STK3: variants seen among roughly 807,000 people sequenced by gnomAD.
STK3 encodes the protein serine/threonine kinase 3, also known as serine/threonine-protein kinase 3.
STK3 carries 41 observed loss-of-function variants against 58.0 expected under a neutral mutation model. The ratio of observed to expected loss-of-function variants is 0.71; its 90% CI spans 0.55 to 0.92. STK3 has a LOEUF of 0.92. Ranked by LOEUF, STK3 falls within the 40% of genes least tolerant of loss-of-function variation. The pLI, the probability that STK3 is intolerant of heterozygous loss-of-function variation, is 0.00. For synonymous variants in STK3, 170 were observed against 191.0 expected, an observed-to-expected ratio of 0.89 and a Z score of 0.91; for missense variants, 479 against 602.7, an observed-to-expected ratio of 0.79 and a Z score of 2.15.
At chr8:98,359,338 C>G in the STK3 span, among the ~76,000 whole-genome samples, 19 of 102,292 alleles carry the variant, frequency 1.9e-4, no homozygotes, top group African/African-American at 6.8e-4. Context: ...TGAAACCCAT[C>G]TCAACTAAAA....
chr8:98,656,882 C>G (rs1821582266), intron 6 of STK3, among the ~76,000 whole-genome samples: 2 of 152,034 alleles, frequency 1.3e-5, no homozygotes, highest in African/African-American at 4.8e-5. Context: ...TATATTCTGT[C>G]AATCTCTGAA....
At chr8:98,906,229 A>G (rs1383409634) in intron 1 of STK3, 1 of 152,556 alleles carries the variant, frequency 6.6e-6, no homozygotes, top group Non-Finnish European at 1.5e-5. Flanking sequence ...ACCATGATCT[A>G]TAAAATCTAG....
intron 9 of STK3, among the ~76,000 whole-genome samples, chr8:98,536,708 T>C (rs1563715454): frequency 6.6e-6 from 1 of 152,204 alleles, no homozygotes; most frequent in Non-Finnish European, 1.5e-5. Context: ...TCTCATCAAA[T>C]GAGAAAAGAA....
At chr8:98,737,944 A>G (rs1828756547) in intron 4 of STK3, among the ~76,000 whole-genome samples, 1 of 152,166 alleles carries the variant, frequency 6.6e-6, no homozygotes, top group African/African-American at 2.4e-5. Flanking sequence ...TCCTGACCTC[A>G]GGTGATCCAC....
intron 1 of STK3, among the ~76,000 whole-genome samples, chr8:98,779,846 G>A (rs1400860963): frequency 6.6e-6 from 1 of 151,930 alleles, no homozygotes; most frequent in Non-Finnish European, 1.5e-5. Flanking sequence ...GATAAACAAT[G>A]CTGCACTGAG....
chr8:98,881,589 A>G (rs1018932792), downstream of STK3: 6 of 152,334 alleles, frequency 3.9e-5, no homozygotes, highest in Non-Finnish European at 8.8e-5. Flanking sequence ...CTAATGCAAG[A>G]TATTAATCAT....
chr8:98,357,167 T>C, the STK3 span, among the ~76,000 whole-genome samples: 1 of 152,224 alleles, frequency 6.6e-6, no homozygotes, highest in African/African-American at 2.4e-5. Context: ...GGTTCTGGCC[T>C]TATTAGCTGA....
At chr8:98,542,479 A>T (rs1263309820) in intron 9 of STK3, among the ~76,000 whole-genome samples, 5 of 152,120 alleles carry the variant, frequency 3.3e-5, no homozygotes, top group African/African-American at 1.2e-4. Context: ...TTCTCTATAG[A>T]AGCCCCTTTG....
At chr8:98,583,771 A>G (rs1399929107) in intron 7 of STK3, among the ~76,000 whole-genome samples, 1 of 152,094 alleles carries the variant, frequency 6.6e-6, no homozygotes, top group African/African-American at 2.4e-5. Flanking sequence ...TGAAATTCAT[A>G]GTCTATATTA....
intron 6 of STK3, among the ~76,000 whole-genome samples, chr8:98,697,331 G>T (rs1357071801): frequency 1.3e-5 from 2 of 151,996 alleles, no homozygotes; most frequent in East Asian, 3.9e-4. Flanking sequence ...TTAATTTTTT[G>T]AAGGGTTTTT....
chr8:98,442,320 G>T lies in STK3; in HGVS notation n.186-5112C>A, dbSNP rs149665823. ...CCTGTTATCCCTCATCTCAGCACTC[G>T]GAACTTACAGGTCTATGTCTGGTCG... On this transcript the variant is annotated intron_variant and non_coding_transcript_variant, in intron 1 of 3. Coordinates refer to the STK3 transcript ENST00000517832. 1.0e-3 allele frequency among the ~76,000 whole-genome samples: 153 copies of T among 152,306 alleles called. 1 individual carries two copies. In the East Asian group the frequency reaches 0.026, roughly 26 times the overall value.
At chr8:98,466,384 A>T (rs1249680042) in intron 10 of STK3, among the ~76,000 whole-genome samples, 1 of 152,226 alleles carries the variant, frequency 6.6e-6, no homozygotes, top group African/African-American at 2.4e-5. Context: ...TTTCCTTGAC[A>T]TATCCCACAG....
At chr8:98,407,723 T>C (rs566403784) in intron 3 of STK3, among the ~76,000 whole-genome samples, 2 of 81,122 alleles carry the variant, frequency 2.5e-5, no homozygotes, top group Non-Finnish European at 6.0e-5. Context: ...CATGTGTGTG[T>C]GTGTGTGTGT....
intron 4 of STK3, among the ~76,000 whole-genome samples, chr8:98,740,611 G>A (rs549411106): frequency 6.6e-5 from 10 of 152,188 alleles, no homozygotes; most frequent in African/African-American, 1.9e-4. Context: ...ACATGGAAAG[G>A]AACAACCGGT....
intron 4 of STK3, among the ~76,000 whole-genome samples, chr8:98,713,517 G>A (rs1238869278): frequency 6.6e-6 from 1 of 152,110 alleles, no homozygotes; most frequent in African/African-American, 2.4e-5. Context: ...AAATAAACTA[G>A]AAAATCTAGA....
intron 3 of STK3, among the ~76,000 whole-genome samples, chr8:98,421,222 T>C (rs566104191): frequency 2.6e-5 from 4 of 152,204 alleles, no homozygotes; most frequent in African/African-American, 9.6e-5. Flanking sequence ...CCACAGAAAG[T>C]TCAGGAGAGG....
intron 3 of STK3, among the ~76,000 whole-genome samples, chr8:98,417,782 G>A (rs927573130): frequency 6.6e-6 from 1 of 152,156 alleles, no homozygotes; most frequent in Non-Finnish European, 1.5e-5. Flanking sequence ...TTATTACAAA[G>A]AGGCCGTCCC....
chr8:98,393,779 A>AAGAATCC (rs917619852), intron 3 of STK3: 2 of 152,080 alleles, frequency 1.3e-5, no homozygotes, highest in Admixed American at 6.5e-5. Context: ...AGGCAGGTGA[A>AAGAATCC]AGAATCCAGT....
chr8:98,387,487 G>T (rs1052695857), intron 1 of STK3, among the ~76,000 whole-genome samples: 1 of 152,204 alleles, frequency 6.6e-6, no homozygotes, highest in African/African-American at 2.4e-5. Context: ...GGTGGCTTAC[G>T]CCTGTAACCC....
Sources: gnomAD v4.1 joint callset for allele counts (sites outside exome capture counted in the v4.1 genomes callset) on GRCh38, gnomAD v4.1.1 for gene constraint, MANE v1.5 for transcripts, NCBI Gene and HGNC (gene_info 2026-07-23, HGNC 2026-07-21) for gene names.